The following NCKAP5 variants were observed in gnomAD, a reference collection of about 807,000 sequenced individuals.
The protein encoded by NCKAP5 is nck-associated protein 5.
In NCKAP5, 92 loss-of-function variants were observed where a neutral mutation model predicts 167.0. That is an observed-to-expected ratio of 0.55 (90% CI 0.47 to 0.66). The LOEUF is 0.66. Ranked by LOEUF, NCKAP5 falls within the 30% of genes least tolerant of loss-of-function variation. NCKAP5 has a pLI of 0.00. For missense variants in NCKAP5, 2,378 were observed against 2,315.0 expected (o/e 1.03, Z -0.56); for synonymous variants, 891 against 877.4 (o/e 1.02, Z -0.27).
chr2:132,842,559 T>TA lies in NCKAP5; in HGVS notation c.807+17932dup, dbSNP rs1688366945. 2.0e-5 allele frequency among the ~76,000 whole-genome samples: 3 copies of TA among 152,082 alleles called. No homozygotes were observed. In the South Asian group the frequency reaches 6.2e-4, roughly 32 times the overall value. On this transcript the variant is annotated intron_variant, in intron 11 of 19. Transcript: ENST00000409261. Reference sequence around the variant, plus strand: ...CTTCCATTTTTTCTTTTCTTTTTTTTAAATCCTTTCTGAGACAGGGTCTCA... The same window carrying TA: ...CTTCCATTTTTTCTTTTCTTTTTTTTAAAATCCTTTCTGAGACAGGGTCTCA...
intron 6 of NCKAP5, among the ~76,000 whole-genome samples, chr2:133,037,546 A>G (rs931432879): frequency 2.6e-5 from 4 of 152,156 alleles, no homozygotes; most frequent in African/African-American, 7.2e-5. Flanking sequence ...TACACTGGGG[A>G]AAAAAACTGT....
intron 3 of NCKAP5, among the ~76,000 whole-genome samples, chr2:133,489,724 G>A (rs1681270583): frequency 6.6e-6 from 1 of 152,138 alleles, no homozygotes; most frequent in Non-Finnish European, 1.5e-5. Context: ...TTGTTTGTGT[G>A]TTTGTATTTG....
intron 2 of NCKAP5, among the ~76,000 whole-genome samples, chr2:133,524,574 T>G (rs1216599478): frequency 6.6e-6 from 1 of 152,206 alleles, no homozygotes; most frequent in Non-Finnish European, 1.5e-5. Flanking sequence ...AGCCCAATGT[T>G]GCAGAAAACC....
intron 5 of NCKAP5, among the ~76,000 whole-genome samples, chr2:133,189,312 A>T (rs2085098825): frequency 6.6e-6 from 1 of 152,012 alleles, no homozygotes; most frequent in South Asian, 2.1e-4. Context: ...AACCAAAAAA[A>T]GTCCAGGATC....
intron 12 of NCKAP5, among the ~76,000 whole-genome samples, chr2:132,793,220 G>A (rs1008463566): frequency 2.6e-5 from 4 of 152,184 alleles, no homozygotes; most frequent in African/African-American, 9.7e-5. Context: ...TGTTGGTCAG[G>A]CTGGTCTCAA....
At chr2:132,878,391 A>G (rs1691457263) in intron 9 of NCKAP5, among the ~76,000 whole-genome samples, 1 of 151,994 alleles carries the variant, frequency 6.6e-6, no homozygotes, top group African/African-American at 2.4e-5. Flanking sequence ...AACTGTGAAC[A>G]TCATCCCCAC....
chr2:133,111,105 A>T (rs1235002461), intron 6 of NCKAP5, among the ~76,000 whole-genome samples: 1 of 152,146 alleles, frequency 6.6e-6, no homozygotes, highest in African/African-American at 2.4e-5. Flanking sequence ...CAGTCACATC[A>T]GGGGTTAGGG....
chr2:133,601,605 C>A, the NCKAP5 span, among the ~76,000 whole-genome samples: 1 of 152,118 alleles, frequency 6.6e-6, no homozygotes, highest in African/African-American at 2.4e-5. Context: ...TGGTGGTGGG[C>A]ACCTGTAATC....
intron 3 of NCKAP5, among the ~76,000 whole-genome samples, chr2:133,349,701 T>C (rs1186893646): frequency 2.0e-5 from 3 of 152,190 alleles, no homozygotes; most frequent in South Asian, 2.1e-4. Context: ...TGGCAGAACC[T>C]CTTGGGAAGC....
At chr2:132,973,603 C>T (rs1196700006) in intron 7 of NCKAP5, among the ~76,000 whole-genome samples, 2 of 152,084 alleles carry the variant, frequency 1.3e-5, no homozygotes, top group Non-Finnish European at 2.9e-5. Flanking sequence ...TGCTGAAGTT[C>T]AGGGGTTTTT....
chr2:132,843,344 A>C (rs1688430557), intron 11 of NCKAP5, among the ~76,000 whole-genome samples: 1 of 152,118 alleles, frequency 6.6e-6, no homozygotes, highest in Non-Finnish European at 1.5e-5. Flanking sequence ...CCTTACATTT[A>C]AGTTTTTGCT....
chr2:132,790,270 T>G, intron 12 of NCKAP5, 65 bp from the exon 13 acceptor site: 2 of 1,412,196 alleles, frequency 1.4e-6, no homozygotes, highest in Non-Finnish European at 1.9e-6. Context: ...CAACACAACC[T>G]TATGGTGAGG....
intron 16 of NCKAP5, among the ~76,000 whole-genome samples, chr2:132,763,864 T>G (rs777183815): frequency 1.6e-4 from 24 of 152,202 alleles, no homozygotes; most frequent in Non-Finnish European, 3.2e-4. Flanking sequence ...TACTATGTCT[T>G]ATTCCTCTTT....
rs552173081 is a variant in NCKAP5, at chr2:133,507,739, G to C, written c.69+9719C>G. On this transcript the variant is annotated intron_variant, in intron 3 of 19. Transcript: ENST00000409261. Reference sequence around the variant, plus strand: ...CCTTTTGAAATATTAATTGAAATTGGGCTGGAGATGAGGGCTGCATGAAAA... The same window carrying C: ...CCTTTTGAAATATTAATTGAAATTGCGCTGGAGATGAGGGCTGCATGAAAA... Among the ~76,000 whole-genome samples the C allele has an allele frequency of 5.9e-5, 9 of 152,264 alleles. No homozygotes were observed. The South Asian group carries it at 1.7e-3, about 28-fold the overall frequency.
chr2:133,091,571 C>A (rs1187609352), intron 6 of NCKAP5, among the ~76,000 whole-genome samples: 2 of 152,088 alleles, frequency 1.3e-5, no homozygotes, highest in African/African-American at 4.8e-5. Context: ...TAGATACAGT[C>A]ATTTACAGAT....
chr2:133,463,811 G>C (rs983206820), intron 3 of NCKAP5, among the ~76,000 whole-genome samples: 3 of 152,208 alleles, frequency 2.0e-5, no homozygotes, highest in Admixed American at 2.0e-4. Context: ...TTTCCAACTT[G>C]ATTTATATGA....
intron 6 of NCKAP5, among the ~76,000 whole-genome samples, chr2:133,018,022 C>A (rs2078399697): frequency 6.6e-6 from 1 of 152,190 alleles, no homozygotes. Flanking sequence ...CCAGGAAGCT[C>A]TTATTGACCT....
intron 19 of NCKAP5, among the ~76,000 whole-genome samples, chr2:132,714,311 C>T (rs1689147362): frequency 6.6e-6 from 1 of 152,130 alleles, no homozygotes; most frequent in East Asian, 1.9e-4. Context: ...CCCCTCTCTC[C>T]CTCTGACATC....
intron 3 of NCKAP5, among the ~76,000 whole-genome samples, chr2:133,325,997 A>G (rs1288009434): frequency 6.6e-6 from 1 of 152,200 alleles, no homozygotes; most frequent in East Asian, 1.9e-4. Flanking sequence ...AATGGCTGTC[A>G]CTAGAGGGCC....
Sources: gnomAD v4.1 joint callset for allele counts (sites outside exome capture counted in the v4.1 genomes callset) on GRCh38, gnomAD v4.1.1 for gene constraint, MANE v1.5 for transcripts, NCBI Gene and HGNC (gene_info 2026-07-23, HGNC 2026-07-21) for gene names.